SNPH: variants seen among roughly 807,000 people sequenced by gnomAD.
The protein encoded by SNPH is syntaphilin.
Under a neutral mutation model 36.8 loss-of-function variants are expected in SNPH, and 10 were observed. The ratio of observed to expected loss-of-function variants is 0.27; its 90% CI spans 0.17 to 0.46. SNPH has a LOEUF of 0.46. Ranked by LOEUF, SNPH falls within the 20% of genes least tolerant of loss-of-function variation. The pLI, the probability that SNPH is intolerant of heterozygous loss-of-function variation, is 1.00. For synonymous variants in SNPH, 281 were observed against 312.2 expected (o/e 0.90, Z 1.05); for missense variants, 622 against 744.0 (o/e 0.84, Z 1.91).
Position 1,297,134 on chromosome 20 carries a change from C to G in SNPH, c.183-11C>G. On this transcript the variant is annotated splice_polypyrimidine_tract_variant and intron_variant, in intron 4 of 6. Transcript: ENST00000381867. ...CCAGAACGAGCACCTGCCTCTTCTT[C>G]CTGCCTCCAGGCGCACCTCTCCACC... 1 of 1,608,042 alleles carries G rather than the reference C, an allele frequency of 6.2e-7. No homozygotes were observed. The highest frequency in any genetic ancestry group is 1.1e-5 in the South Asian group (1 of 90,142).
At chr20:1,284,524 C>T (rs936397715) in intron 2 of SNPH, among the ~76,000 whole-genome samples, 5 of 152,044 alleles carry the variant, frequency 3.3e-5, no homozygotes, top group Non-Finnish European at 7.4e-5. Flanking sequence ...TGGAGAAAAA[C>T]GAAGCATGGG....
In SNPH at chr20:1,305,229, C is replaced by T. The variant is rs1441149717; in HGVS notation, c.792C>T (p.Asp264=). Residue 264 remains aspartate (D), a synonymous_variant, in exon 7 of 7, where the codon GAC becomes GAT. Transcript: ENST00000381867. ...TRSSTYTKLS[D]PAVCGDRQPG... ...GCTCCACCTACACCAAGCTGAGTGA[C>T]CCGGCTGTCTGTGGTGACCGCCAGC... is the stretch of plus-strand genomic sequence containing the variant. 4.3e-6 allele frequency: 7 copies of T among 1,611,432 alleles called. No individual in the cohort carries two copies. The highest frequency in any genetic ancestry group is 5.1e-6 in the Non-Finnish European group (6 of 1,179,712).
At chr20:1,279,604 A>G (rs2088190966) in intron 2 of SNPH, among the ~76,000 whole-genome samples, 1 of 143,532 alleles carries the variant, frequency 7.0e-6, no homozygotes, top group African/African-American at 2.6e-5. Flanking sequence ...TGGTTTCCTG[A>G]GAGACTCCGG....
At chr20:1,275,356 C>T (rs1023196119) in intron 2 of SNPH, among the ~76,000 whole-genome samples, 5 of 152,186 alleles carry the variant, frequency 3.3e-5, no homozygotes, top group African/African-American at 1.2e-4. Flanking sequence ...ACACTGCTTC[C>T]TCCTGTCTCT....
chr20:1,277,426 T>G (rs2088145678), intron 2 of SNPH, among the ~76,000 whole-genome samples: 1 of 151,966 alleles, frequency 6.6e-6, no homozygotes, highest in Non-Finnish European at 1.5e-5. Flanking sequence ...TCTGTGTGTC[T>G]GTGTATGTGT....
In SNPH at chr20:1,294,245, C is replaced by T. The variant is rs1243326525; in HGVS notation, c.-492-706C>T. 6.6e-6 allele frequency among the ~76,000 whole-genome samples: 1 copy of T among 152,182 alleles called. No individual in the cohort carries two copies. Among genetic ancestry groups the T allele is most frequent in the Non-Finnish European group, 1.5e-5 (1 of 68,028 alleles). On this transcript the variant is annotated intron_variant, in intron 2 of 6. Coordinates refer to ENST00000381867, the MANE Select transcript of SNPH (RefSeq NM_001318234.2). This position sits in a 1 kb window ranked among gnomAD's most constrained non-coding sequence, Gnocchi z 4.4. ...GCTTCAAGTAATGGGCCAAGGCAGA[C>T]GAGAGCACTCAGCATGGCCACCTTA...
At chr20:1,284,406 G>T (rs1600251944) in intron 2 of SNPH, among the ~76,000 whole-genome samples, 1 of 152,148 alleles carries the variant, frequency 6.6e-6, no homozygotes, top group East Asian at 1.9e-4. Flanking sequence ...AGGCATAAGG[G>T]ACTAAATAAA....
At chr20:1,298,924 T>G (rs1352816168) in intron 5 of SNPH, among the ~76,000 whole-genome samples, 1 of 151,612 alleles carries the variant, frequency 6.6e-6, no homozygotes, top group East Asian at 2.0e-4. Context: ...AAAATATTCA[T>G]GAAAGCAAAA....
chr20:1,292,726 C>T (rs2088377764), intron 2 of SNPH, among the ~76,000 whole-genome samples: 1 of 152,190 alleles, frequency 6.6e-6, no homozygotes, highest in African/African-American at 2.4e-5. Flanking sequence ...CAGCCTCACT[C>T]CCACTGTACT....
chr20:1,274,008 A>G (rs1416380776), intron 2 of SNPH, among the ~76,000 whole-genome samples: 1 of 152,192 alleles, frequency 6.6e-6, no homozygotes, highest in Non-Finnish European at 1.5e-5. Flanking sequence ...GTGAACAAAA[A>G]ATAAATAACT....
At position 1,266,899 on chromosome 20, in the gene SNPH, C is replaced by T. The variant is rs1333027668; in HGVS notation, c.-493+139C>T. The T allele has an allele frequency of 8.5e-7, 1 of 1,178,984 alleles. No homozygotes were observed. Among genetic ancestry groups the T allele is most frequent in the East Asian group, 3.2e-5 (1 of 31,188 alleles). The allele number at this position is 1,178,984 out of a possible 1,614,324, so 73.0% of individuals were successfully genotyped here. On this transcript the variant is annotated intron_variant, in intron 2 of 6. Coordinates refer to ENST00000381867, the MANE Select transcript of SNPH (RefSeq NM_001318234.2). The surrounding 1 kb of genome is among the most constrained non-coding windows in gnomAD (Gnocchi z 6.0). ...GGGTTAATCGTGACTCATTCTTACC[C>T]TCCCTTCATTCCCCTACATCCCTTT... is the stretch of plus-strand genomic sequence containing the variant.
At chr20:1,280,218 G>GTGCA (rs746593032) in intron 2 of SNPH, among the ~76,000 whole-genome samples, 1 of 152,188 alleles carries the variant, frequency 6.6e-6, no homozygotes, top group Non-Finnish European at 1.5e-5. Context: ...ATGTGTGTGT[G>GTGCA]TGCATGCACA....
chr20:1,296,188 C>G lies in SNPH; in HGVS notation c.-52C>G. 7.0e-7 allele frequency: 1 copy of G among 1,434,188 alleles called. No individual in the cohort carries two copies. The highest frequency in any genetic ancestry group is 9.2e-7 in the Non-Finnish European group (1 of 1,087,310). 88.8% of individuals were successfully genotyped at this position (1,434,188 alleles called of 1,614,324 possible). ...ATTCACTGGTGGAGGCAGCCGTGGT[C>G]TGCCAGGCCCTCGCTCCTGGGGTGT... On this transcript the variant is annotated 5_prime_UTR_variant, in exon 4 of 7. Coordinates refer to ENST00000381867, the MANE Select transcript of SNPH (RefSeq NM_001318234.2).
chr20:1,268,349 A>G (rs2088032624), intron 2 of SNPH, among the ~76,000 whole-genome samples: 1 of 152,080 alleles, frequency 6.6e-6, no homozygotes, highest in Non-Finnish European at 1.5e-5. Context: ...TCTCACATGA[A>G]TCCCACTGTG....
chr20:1,289,199 C>A (rs1189608154), intron 2 of SNPH, among the ~76,000 whole-genome samples: 1 of 152,112 alleles, frequency 6.6e-6, no homozygotes, highest in Admixed American at 6.5e-5. Context: ...ACTCTTGTAA[C>A]CTCTGAGGCT....
chr20:1,289,544 C>T (rs1488547786), intron 2 of SNPH, among the ~76,000 whole-genome samples: 1 of 116,886 alleles, frequency 8.6e-6, no homozygotes, highest in Non-Finnish European at 2.0e-5. Flanking sequence ...CACACACACA[C>T]ACACACACAC....
chr20:1,272,203 A>G (rs936749603), intron 2 of SNPH, among the ~76,000 whole-genome samples: 2 of 152,152 alleles, frequency 1.3e-5, no homozygotes, highest in East Asian at 1.9e-4. Flanking sequence ...TGGCTCTGCA[A>G]TTGGGCTGCT....
intron 6 of SNPH, among the ~76,000 whole-genome samples, chr20:1,301,470 G>T (rs1222848463): frequency 6.6e-6 from 1 of 151,882 alleles, no homozygotes; most frequent in Non-Finnish European, 1.5e-5. Context: ...GGAGCTCAGA[G>T]CAGGCACGAT....
At position 1,307,696 on chromosome 20, in the gene SNPH, T is replaced by C. The variant is rs1247790345; in HGVS notation, c.*1642T>C. ...CGTGAGGCGGGGCACCTGCATGCAC[T>C]GGGAGGGGGCGGCTGGCCCAGCCCT... On this transcript the variant is annotated 3_prime_UTR_variant, in exon 7 of 7. Coordinates refer to ENST00000381867, the MANE Select transcript of SNPH (RefSeq NM_001318234.2). 1 of 152,564 alleles carries C rather than the reference T, an allele frequency of 6.6e-6. No individual in the cohort carries two copies. The highest frequency in any genetic ancestry group is 1.5e-5 in the Non-Finnish European group (1 of 68,116). 9.5% of individuals were successfully genotyped at this position (152,564 alleles called of 1,614,324 possible). A position where few individuals can be genotyped will look rare whatever the true frequency, so the allele number is the denominator to read the frequency against.
Sources: allele counts gnomAD v4.1 joint callset (sites outside exome capture counted in the v4.1 genomes callset), GRCh38; gene constraint gnomAD v4.1.1; non-coding constraint Gnocchi (gnomAD v3.1); transcripts MANE v1.5; gene names NCBI Gene and HGNC (gene_info 2026-07-23, HGNC 2026-07-21).